Variants in LHFPL3 observed in about 807,000 individuals in gnomAD.
LHFPL3 encodes LHFPL tetraspan subfamily member 3 protein.
A neutral mutation model predicts 19.3 loss-of-function variants in LHFPL3; 5 were observed. The observed-to-expected ratio is 0.26, with a 90% confidence interval of 0.14 to 0.54. The LOEUF (loss-of-function observed/expected upper bound fraction) is 0.54. Among genes scored for constraint, LHFPL3 ranks in the 20% least tolerant of loss-of-function variants. The pLI is 0.94. For missense variants in LHFPL3, 249 were observed against 307.4 expected (o/e 0.81, Z 1.42); for synonymous variants, 133 against 126.2 (o/e 1.05, Z -0.36).
intron 2 of LHFPL3, among the ~76,000 whole-genome samples, chr7:104,818,939 T>C (rs1790622366): frequency 6.6e-6 from 1 of 152,174 alleles, no homozygotes. Flanking sequence ...ATGAGATTCT[T>C]TTCTCTCCTC....
chr7:104,751,759 G>C (rs1284158418), intron 2 of LHFPL3, among the ~76,000 whole-genome samples: 1 of 152,122 alleles, frequency 6.6e-6, no homozygotes, highest in East Asian at 1.9e-4. Flanking sequence ...AAAAAGACTT[G>C]TATCTGGCCT....
chr7:104,521,989 G>A (rs934819847), intron 1 of LHFPL3, among the ~76,000 whole-genome samples: 13 of 152,004 alleles, frequency 8.6e-5, no homozygotes, highest in African/African-American at 3.1e-4. Context: ...CGATTCCTCA[G>A]GGATCTAGAA....
At chr7:104,801,787 G>C (rs1381893037) in intron 2 of LHFPL3, among the ~76,000 whole-genome samples, 2 of 152,058 alleles carry the variant, frequency 1.3e-5, no homozygotes. Flanking sequence ...AGCTGGAATA[G>C]TCTCAATCTC....
intron 2 of LHFPL3, among the ~76,000 whole-genome samples, chr7:104,817,986 T>C (rs897545099): frequency 3.9e-5 from 6 of 152,158 alleles, no homozygotes; most frequent in Admixed American, 3.3e-4. Flanking sequence ...AAGTGCTCCA[T>C]AGGTACACGT....
intron 2 of LHFPL3, among the ~76,000 whole-genome samples, chr7:104,833,534 ATACT>A (rs1232601552): frequency 1.8e-5 from 1 of 55,340 alleles, no homozygotes; most frequent in East Asian, 6.4e-4. Context: ...ATGTAAGTTA[ATACT>A]TAATAAACTC....
chr7:104,841,142 T>C (rs1791194139), intron 2 of LHFPL3, among the ~76,000 whole-genome samples: 1 of 152,194 alleles, frequency 6.6e-6, no homozygotes, highest in Non-Finnish European at 1.5e-5. Context: ...GGCAGGGGCA[T>C]TGATCTTCCT....
At chr7:104,891,094 A>G (rs1562827358) in intron 2 of LHFPL3, among the ~76,000 whole-genome samples, 1 of 151,264 alleles carries the variant, frequency 6.6e-6, no homozygotes, top group South Asian at 2.1e-4. Flanking sequence ...CCCAACTTTC[A>G]TATCAGAGAC....
chr7:104,898,006 C>CTTTTTTTTTTTTTTTTTTTTTTTT (rs71155536), intron 2 of LHFPL3, among the ~76,000 whole-genome samples: 1 of 96,806 alleles, frequency 1.0e-5, no homozygotes, highest in Admixed American at 1.3e-4. Context: ...AATGTCACCC[C>CTTTTTTTTTTTTTTTTTTTTTTTT]TTTTTTTTTT....
intron 1 of LHFPL3, among the ~76,000 whole-genome samples, chr7:104,363,483 C>T (rs955460109): frequency 6.6e-6 from 1 of 152,230 alleles, no homozygotes; most frequent in Admixed American, 6.5e-5. Flanking sequence ...TGATGACGTG[C>T]GCATGCAGGT....
intron 1 of LHFPL3, among the ~76,000 whole-genome samples, chr7:104,477,889 G>A (rs889093186): frequency 2.0e-5 from 3 of 152,162 alleles, no homozygotes; most frequent in Non-Finnish European, 4.4e-5. Flanking sequence ...TAGCCAGATG[G>A]GGAGGGAGGG....
chr7:104,849,289 G>A (rs1317658155), intron 2 of LHFPL3, among the ~76,000 whole-genome samples: 1 of 152,224 alleles, frequency 6.6e-6, no homozygotes, highest in African/African-American at 2.4e-5. Flanking sequence ...ACTACTAGAA[G>A]CTCTAGATTT....
chr7:104,836,137 G>A (rs1791091538), intron 2 of LHFPL3, among the ~76,000 whole-genome samples: 1 of 152,164 alleles, frequency 6.6e-6, no homozygotes, highest in South Asian at 2.1e-4. Context: ...AAGATTTCTA[G>A]GAGAAGTGAA....
At chr7:104,527,585 A>G (rs1562926352) in intron 1 of LHFPL3, among the ~76,000 whole-genome samples, 1 of 152,190 alleles carries the variant, frequency 6.6e-6, no homozygotes, top group Non-Finnish European at 1.5e-5. Context: ...AAATTGGACA[A>G]TAGGTCAGTT....
intron 1 of LHFPL3, among the ~76,000 whole-genome samples, chr7:104,601,405 A>C (rs570651705): frequency 1.3e-5 from 2 of 152,224 alleles, no homozygotes; most frequent in African/African-American, 4.8e-5. Context: ...TCTAGGTACT[A>C]GAGATACAGC....
intron 1 of LHFPL3, among the ~76,000 whole-genome samples, chr7:104,661,213 A>G (rs1360365725): frequency 6.6e-6 from 1 of 152,202 alleles, no homozygotes. Flanking sequence ...AGCTGAATAT[A>G]TGGATGTAAA....
At position 104,653,329 on chromosome 7, in the gene LHFPL3, A is replaced by G. The variant is rs565793799; in HGVS notation, c.446-83346A>G. 1.8e-4 allele frequency among the ~76,000 whole-genome samples: 28 copies of G among 152,330 alleles called. 1 individual carries two copies. Among genetic ancestry groups the G allele is most frequent in the Admixed American group, 1.7e-3 (26 of 15,310 alleles). ...AGATATTTTAAAACTGAGTGGAAACATCCGGGAGAGAAGACAGATTGAACC... is the reference window on the plus strand; with the variant it reads ...AGATATTTTAAAACTGAGTGGAAACGTCCGGGAGAGAAGACAGATTGAACC... On this transcript the variant is annotated intron_variant, in intron 1 of 2. Transcript: ENST00000424859.
rs554451699 is a variant in LHFPL3 at position 104,835,761 on chromosome 7, A to G, written c.683-70426A>G. 3.5e-4 allele frequency among the ~76,000 whole-genome samples: 42 copies of G among 118,576 alleles called. 2 individuals carry two copies. The highest frequency in any genetic ancestry group is 1.0e-3 in the African/African-American group (39 of 38,074). The allele number at this position is 118,576 out of a possible 152,430, so 77.8% of individuals were successfully genotyped here. A position where few individuals can be genotyped will look rare whatever the true frequency, so the allele number is the denominator to read the frequency against. ...ATATTGATCTACACGTTAAATTATT[A>G]TTATTTTTTTTTACTTTAAGTTCTG... On this transcript the variant is annotated intron_variant, in intron 2 of 2. Coordinates refer to ENST00000424859, the MANE Select transcript of LHFPL3 (RefSeq NM_199000.3).
intron 2 of LHFPL3, chr7:104,803,077 G>C (rs1170396154): frequency 1.3e-5 from 2 of 152,166 alleles, no homozygotes; most frequent in Non-Finnish European, 2.9e-5. Context: ...CACATTCCAA[G>C]TTCAAGCCAT....
intron 1 of LHFPL3, among the ~76,000 whole-genome samples, chr7:104,348,454 G>A (rs1790113996): frequency 6.6e-6 from 1 of 152,188 alleles, no homozygotes; most frequent in African/African-American, 2.4e-5. Flanking sequence ...ACTTGTTTAT[G>A]TTTTAACATC....
Sources: gnomAD v4.1 joint callset for allele counts (sites outside exome capture counted in the v4.1 genomes callset) on GRCh38, gnomAD v4.1.1 for gene constraint, MANE v1.5 for transcripts, NCBI Gene and HGNC (gene_info 2026-07-23, HGNC 2026-07-21) for gene names.